The following FGF14 variants were observed in gnomAD, a reference collection of about 807,000 sequenced individuals.
FGF14 encodes fibroblast growth factor homologous factor 4.
In FGF14, 5 loss-of-function variants were observed where a neutral mutation model predicts 25.5. The observed-to-expected ratio is 0.20, with a 90% CI of 0.10 to 0.41. The LOEUF (loss-of-function observed/expected upper bound fraction) is 0.41. Ranked by LOEUF, FGF14 falls within the 10% of genes least tolerant of loss-of-function variation. The probability of loss-of-function intolerance (pLI) is 1.00; values close to 1 mark genes in which losing one functional copy is unlikely to be tolerated. For synonymous variants in FGF14, 138 were observed against 118.3 expected (o/e 1.17, Z -1.08); for missense variants, 222 against 320.1 (o/e 0.69, Z 2.34).
chr13:102,097,263 G>A (rs1290113157), intron 1 of FGF14, among the ~76,000 whole-genome samples: 1 of 152,140 alleles, frequency 6.6e-6, no homozygotes, highest in East Asian at 1.9e-4. Flanking sequence ...ATGACTTAAG[G>A]CTTTTAGAGC....
intron 1 of FGF14, among the ~76,000 whole-genome samples, chr13:101,884,086 A>AACAAAAAAAAAAAAAAAAAAAAC (rs2045867208): frequency 6.7e-6 from 1 of 148,600 alleles, no homozygotes; most frequent in Non-Finnish European, 1.5e-5. Context: ...AAAAAAAAAA[A>AACAAAAAAAAAAAAAAAAAAAAC]AGACAAGGAA....
intron 1 of FGF14, among the ~76,000 whole-genome samples, chr13:101,962,877 G>C (rs1045693658): frequency 6.6e-6 from 1 of 152,204 alleles, no homozygotes; most frequent in Non-Finnish European, 1.5e-5. Context: ...TTGCCGTGAA[G>C]ATTAAGTGAA....
chr13:102,157,955 T>A (rs2047426870), intron 1 of FGF14, among the ~76,000 whole-genome samples: 1 of 151,974 alleles, frequency 6.6e-6, no homozygotes, highest in African/African-American at 2.4e-5. Flanking sequence ...AAAATGCAAA[T>A]CAAAACCATA....
chr13:101,754,267 T>C (rs573340722), intron 3 of FGF14, among the ~76,000 whole-genome samples: 2 of 152,292 alleles, frequency 1.3e-5, no homozygotes, highest in South Asian at 4.1e-4. Flanking sequence ...CATCCACCCA[T>C]GTGTGTTTCC....
intron 1 of FGF14, among the ~76,000 whole-genome samples, chr13:102,230,714 A>T (rs147761056): frequency 0.011 from 1,719 of 152,252 alleles, 25 homozygotes; most frequent in African/African-American, 0.037. Context: ...TTCCTCAAAG[A>T]CCCTAATCCA....
chr13:102,197,018 T>C (rs1300991915), intron 1 of FGF14, among the ~76,000 whole-genome samples: 1 of 151,778 alleles, frequency 6.6e-6, no homozygotes, highest in East Asian at 1.9e-4. Context: ...GTGGTCTCAA[T>C]GATAAGGAGA....
At chr13:102,313,410 T>A (rs899344488) in intron 1 of FGF14, among the ~76,000 whole-genome samples, 4 of 152,120 alleles carry the variant, frequency 2.6e-5, no homozygotes. Flanking sequence ...GCAGGAGTTG[T>A]TTGTTGGAGC....
chr13:101,914,928 G>A (rs924028005), intron 1 of FGF14, among the ~76,000 whole-genome samples: 4 of 152,136 alleles, frequency 2.6e-5, no homozygotes, highest in African/African-American at 9.7e-5. Flanking sequence ...GTCTATCAAC[G>A]GTGATTAAGG....
intron 1 of FGF14, among the ~76,000 whole-genome samples, chr13:102,374,529 T>C (rs1334499428): frequency 6.6e-6 from 1 of 151,246 alleles, no homozygotes; most frequent in Admixed American, 6.6e-5. Flanking sequence ...GTATTCTTTT[T>C]ATCACTGCAA....
At chr13:101,951,663 C>A (rs2036175934) in intron 1 of FGF14, among the ~76,000 whole-genome samples, 1 of 152,086 alleles carries the variant, frequency 6.6e-6, no homozygotes, top group African/African-American at 2.4e-5. Context: ...TGATTTCAAG[C>A]CTTCAGATTC....
chr13:102,003,979 C>T (rs1268258138), intron 1 of FGF14, among the ~76,000 whole-genome samples: 1 of 152,144 alleles, frequency 6.6e-6, no homozygotes, highest in Non-Finnish European at 1.5e-5. Flanking sequence ...TCCCCTCTTG[C>T]TTTCTCATAC....
chr13:101,942,424 A>T (rs528342798), intron 1 of FGF14, among the ~76,000 whole-genome samples: 66 of 152,370 alleles, frequency 4.3e-4, no homozygotes, highest in African/African-American at 1.4e-3. Flanking sequence ...AATATTATTA[A>T]GAAATAATTT....
chr13:102,159,139 C>CAA lies in FGF14; in HGVS notation c.208+242330_208+242331dup, dbSNP rs1228096265. ...TGGGTAAGAGAGCCAGACTCTGTCT[C>CAA]AAAAAAAAAAAAAAAAAAGAAAAGA... On this transcript the variant is annotated intron_variant, in intron 1 of 4. Transcript: ENST00000376131. Among the ~76,000 whole-genome samples the CAA allele has an allele frequency of 3.7e-3, 275 of 73,908 alleles. 2 individuals are homozygous for CAA. Among genetic ancestry groups the CAA allele is most frequent in the South Asian group, 7.7e-3 (16 of 2,082 alleles). The allele number at this position is 73,908 out of a possible 152,430, so 48.5% of individuals were successfully genotyped here. A position where few individuals can be genotyped will look rare whatever the true frequency, so the allele number is the denominator to read the frequency against.
At chr13:101,938,166 A>C (rs953779509) in intron 1 of FGF14, among the ~76,000 whole-genome samples, 1 of 152,198 alleles carries the variant, frequency 6.6e-6, no homozygotes, top group Non-Finnish European at 1.5e-5. Flanking sequence ...TCAACCCATC[A>C]AGCCTTCACT....
chr13:102,252,500 T>C (rs2052229068), intron 1 of FGF14, among the ~76,000 whole-genome samples: 1 of 152,184 alleles, frequency 6.6e-6, no homozygotes, highest in Admixed American at 6.5e-5. Flanking sequence ...CTCAAGTCCC[T>C]ATTATAAAAT....
At chr13:102,259,000 A>C (rs1395464408) in intron 1 of FGF14, among the ~76,000 whole-genome samples, 1 of 152,238 alleles carries the variant, frequency 6.6e-6, no homozygotes, top group Admixed American at 6.5e-5. Context: ...GAAAAAATTA[A>C]TATTCTCAAA....
chr13:102,087,771 C>G (rs192430493), intron 1 of FGF14, among the ~76,000 whole-genome samples: 1 of 151,918 alleles, frequency 6.6e-6, no homozygotes, highest in Non-Finnish European at 1.5e-5. Context: ...AGGTGACATG[C>G]AAAAATAGTA....
At chr13:102,094,030 C>A (rs1261349192) in intron 1 of FGF14, among the ~76,000 whole-genome samples, 1 of 144,024 alleles carries the variant, frequency 6.9e-6, no homozygotes, top group African/African-American at 2.6e-5. Context: ...CATGGTATGA[C>A]AACTTAATAA....
At position 102,103,951 on chromosome 13, in the gene FGF14, T is replaced by C. The variant is rs546747003; in HGVS notation, c.209-228655A>G. Among the ~76,000 whole-genome samples, 19 of 152,334 alleles carry C rather than the reference T, an allele frequency of 1.2e-4. No individual in the cohort carries two copies. In the South Asian group the frequency reaches 3.9e-3, roughly 32 times the overall value. ...GCTCAGTCTTATTTCTCCAACTTCC[T>C]GCTTCAGGGACCTTCTCACTTCCCA... On this transcript the variant is annotated intron_variant, in intron 1 of 4. Transcript: ENST00000376131.
Sources: allele counts gnomAD v4.1 joint callset (sites outside exome capture counted in the v4.1 genomes callset), GRCh38; gene constraint gnomAD v4.1.1; transcripts MANE v1.5; gene names NCBI Gene and HGNC (gene_info 2026-07-23, HGNC 2026-07-21).